SEL1L2: variants seen among roughly 807,000 people sequenced by gnomAD.
The protein encoded by SEL1L2 is protein sel-1 homolog 2.
In SEL1L2, 89 loss-of-function variants were observed where a neutral mutation model predicts 98.8. The ratio of observed to expected loss-of-function variants is 0.90; its 90% CI spans 0.76 to 1.07. SEL1L2 has a LOEUF of 1.07. Ranked by LOEUF, SEL1L2 falls within the 50% of genes least tolerant of loss-of-function variation. The pLI, the probability that SEL1L2 is intolerant of heterozygous loss-of-function variation, is 0.00. For synonymous variants in SEL1L2, 262 were observed against 278.5 expected, an observed-to-expected ratio of 0.94 and a Z score of 0.59; for missense variants, 788 against 812.0, an observed-to-expected ratio of 0.97 and a Z score of 0.36.
intron 2 of SEL1L2, among the ~76,000 whole-genome samples, chr20:13,941,985 A>G (rs903393415): frequency 3.3e-5 from 5 of 152,206 alleles, no homozygotes; most frequent in Admixed American, 1.3e-4. Flanking sequence ...CCCCCAAAAT[A>G]GTCACTGTTC....
chr20:13,915,058 A>AG lies in SEL1L2; in HGVS notation c.387-1115dup, dbSNP rs1185990753. ...CTACCTGTGACCTTGACTCAAATACAGGGAAAAAAAACCCCATAAAAATCT... is the reference window on the plus strand; with the variant it reads ...CTACCTGTGACCTTGACTCAAATACAGGGGAAAAAAAACCCCATAAAAATCT... On this transcript the variant is annotated intron_variant, in intron 4 of 19. Transcript: ENST00000284951. 1.9e-5 allele frequency: 24 copies of AG among 1,244,212 alleles called. No individual in the cohort carries two copies. In the African/African-American group the frequency reaches 3.4e-4, roughly 18 times the overall value. The allele number at this position is 1,244,212 out of a possible 1,614,324, so 77.1% of individuals were successfully genotyped here. A position where few individuals can be genotyped will look rare whatever the true frequency, so the allele number is the denominator to read the frequency against.
intron 12 of SEL1L2, among the ~76,000 whole-genome samples, chr20:13,873,026 T>C (rs2046276181): frequency 6.6e-6 from 1 of 151,504 alleles, no homozygotes; most frequent in Admixed American, 6.6e-5. Context: ...ACTCTTGCTC[T>C]ATCACCCATG....
At chr20:13,915,688 C>T (rs2148203460) in intron 4 of SEL1L2, among the ~76,000 whole-genome samples, 1 of 152,242 alleles carries the variant, frequency 6.6e-6, no homozygotes, top group South Asian at 2.1e-4. Context: ...GCAGTGTGGG[C>T]ATATGGGTTC....
At chr20:13,968,229 GA>G (rs1353043595) in intron 1 of SEL1L2, among the ~76,000 whole-genome samples, 23 of 152,242 alleles carry the variant, frequency 1.5e-4, no homozygotes, top group African/African-American at 5.5e-4. Flanking sequence ...TAATTTTTAT[GA>G]AGTTTAACTG....
chr20:13,892,327 G>C (rs370887469), intron 5 of SEL1L2, among the ~76,000 whole-genome samples: 15 of 152,086 alleles, frequency 9.9e-5, no homozygotes, highest in African/African-American at 3.6e-4. Context: ...GCAGGCACCT[G>C]TAATCCCAGC....
At chr20:13,917,849 G>A (rs1056995202) in intron 4 of SEL1L2, among the ~76,000 whole-genome samples, 1 of 123,400 alleles carries the variant, frequency 8.1e-6, no homozygotes, top group Non-Finnish European at 1.6e-5. Context: ...CCAGAGGCTA[G>A]AGTGTTATTG....
intron 5 of SEL1L2, among the ~76,000 whole-genome samples, chr20:13,912,244 G>C (rs1256898197): frequency 6.6e-6 from 1 of 151,222 alleles, no homozygotes; most frequent in Non-Finnish European, 1.5e-5. Flanking sequence ...GTCGCCACCA[G>C]TGTATGAAGA....
At chr20:13,953,026 T>C (rs2050346988) in intron 2 of SEL1L2, among the ~76,000 whole-genome samples, 1 of 152,150 alleles carries the variant, frequency 6.6e-6, no homozygotes, top group African/African-American at 2.4e-5. Context: ...TTTGTCTCTG[T>C]ACTCAGGACA....
At chr20:13,867,592 C>G (rs947731017) in intron 14 of SEL1L2, among the ~76,000 whole-genome samples, 4 of 152,162 alleles carry the variant, frequency 2.6e-5, no homozygotes, top group Admixed American at 2.6e-4. Context: ...CTGTGTGATC[C>G]TGGGCAAGAT....
intron 2 of SEL1L2, among the ~76,000 whole-genome samples, chr20:13,942,686 G>A (rs888231463): frequency 2.0e-5 from 3 of 152,140 alleles, no homozygotes; most frequent in Non-Finnish European, 1.5e-5. Context: ...ATATAGCAAA[G>A]ACTCACATAG....
chr20:13,859,116 T>C, intron 18 of SEL1L2, 146 bp downstream of exon 18: 1 of 694,050 alleles, frequency 1.4e-6, no homozygotes, highest in South Asian at 1.8e-5. Flanking sequence ...TAATATGTAT[T>C]GGCACAAGGG....
chr20:13,951,296 A>AAAAAAAG (rs1555894194), intron 2 of SEL1L2, among the ~76,000 whole-genome samples: 1 of 12,502 alleles, frequency 8.0e-5, no homozygotes, highest in Non-Finnish European at 2.1e-4. Context: ...AAAAAAAAAA[A>AAAAAAAG]AAAGAAAGAA....
At chr20:13,867,467 G>A (rs1450813087) in intron 14 of SEL1L2, among the ~76,000 whole-genome samples, 2 of 152,178 alleles carry the variant, frequency 1.3e-5, no homozygotes, top group Admixed American at 6.5e-5. Flanking sequence ...TCCTTAGATG[G>A]TCTTTAAGTT....
chr20:13,974,605 A>G (rs1333469182), intron 1 of SEL1L2, among the ~76,000 whole-genome samples: 28 of 151,104 alleles, frequency 1.9e-4, no homozygotes, highest in African/African-American at 6.8e-4. Context: ...CAGCCTCCCA[A>G]GTAGCTGATA....
At chr20:13,971,416 C>CTTTTG (rs112406432) in intron 1 of SEL1L2, among the ~76,000 whole-genome samples, 156 of 151,736 alleles carry the variant, frequency 1.0e-3, no homozygotes, top group East Asian at 2.9e-3. Context: ...TTACAATGTA[C>CTTTTG]TTTTGTTTTG....
At chr20:13,940,386 C>T (rs1569009149) in intron 2 of SEL1L2, among the ~76,000 whole-genome samples, 1 of 152,090 alleles carries the variant, frequency 6.6e-6, no homozygotes, top group Non-Finnish European at 1.5e-5. Flanking sequence ...AAAGTGGGAA[C>T]AAACTTGTAT....
At chr20:13,980,085 C>T (rs913264383) in intron 1 of SEL1L2, among the ~76,000 whole-genome samples, 2 of 151,930 alleles carry the variant, frequency 1.3e-5, no homozygotes, top group Admixed American at 6.6e-5. Context: ...TACAAATGGC[C>T]AACAGATATA....
chr20:13,853,657 A>T (rs1370258775), intron 18 of SEL1L2, among the ~76,000 whole-genome samples: 1 of 152,238 alleles, frequency 6.6e-6, no homozygotes, highest in African/African-American at 2.4e-5. Flanking sequence ...CTTCACTTTG[A>T]AAATGAAGAT....
chr20:13,938,548 T>G (rs867572741), intron 2 of SEL1L2, among the ~76,000 whole-genome samples: 1 of 152,194 alleles, frequency 6.6e-6, no homozygotes, highest in Non-Finnish European at 1.5e-5. Context: ...CATGTTAACA[T>G]ATAAACATAT....
Sources: gnomAD v4.1 joint callset for allele counts (sites outside exome capture counted in the v4.1 genomes callset) on GRCh38, gnomAD v4.1.1 for gene constraint, MANE v1.5 for transcripts, NCBI Gene and HGNC (gene_info 2026-07-23, HGNC 2026-07-21) for gene names.